The following FAT3 variants were observed in gnomAD, a reference collection of about 807,000 sequenced individuals.
The protein encoded by FAT3 is FAT atypical cadherin 3.
Under a neutral mutation model 310.2 loss-of-function variants are expected in FAT3, and 95 were observed. That is an observed-to-expected ratio of 0.31 (90% CI 0.26 to 0.36). The LOEUF (loss-of-function observed/expected upper bound fraction) is 0.36, where lower values mean the gene tolerates loss of function less well. Ranked by LOEUF, FAT3 falls within the 10% of genes least tolerant of loss-of-function variation. The probability of loss-of-function intolerance (pLI) is 1.00; values close to 1 mark genes in which losing one functional copy is unlikely to be tolerated. For synonymous variants in FAT3, 2,314 were observed against 2,192.9 expected (o/e 1.06, Z -1.54); for missense variants, 5,408 against 5,715.6 (o/e 0.95, Z 1.74).
intron 3 of FAT3, among the ~76,000 whole-genome samples, chr11:92,585,456 A>C (rs183226091): frequency 6.6e-6 from 1 of 152,074 alleles, no homozygotes; most frequent in East Asian, 1.9e-4. Context: ...TAGTTGTCTC[A>C]TCAGAGACAT....
chr11:92,792,959 A>AT lies in FAT3; in HGVS notation c.4805dup (p.Tyr1603IlefsTer13). On this transcript the variant is annotated frameshift_variant, in exon 9 of 28. Coordinates refer to ENST00000525166, the MANE Select transcript of FAT3 (RefSeq NM_001367949.2). LOFTEE classifies it high-confidence loss of function. Reference sequence around the variant, plus strand: ...AGACAAAGGAGAAAATGCAGAACTCATATATACCATAGAAGCAGGTGAGAG... The same window carrying AT: ...AGACAAAGGAGAAAATGCAGAACTCATTATATACCATAGAAGCAGGTGAGAG... 1 of 1,613,616 alleles carries AT rather than the reference A, an allele frequency of 6.2e-7. No homozygotes were observed. Among genetic ancestry groups the AT allele is most frequent in the Non-Finnish European group, 8.5e-7 (1 of 1,179,682 alleles).
chr11:92,869,205 TC>T (rs1949323757), intron 22 of FAT3, among the ~76,000 whole-genome samples: 1 of 152,220 alleles, frequency 6.6e-6, no homozygotes, highest in Non-Finnish European at 1.5e-5. Context: ...TCTACACAGT[TC>T]CCTTCTCACA....
At chr11:92,818,405 T>A (rs890518852) in intron 13 of FAT3, among the ~76,000 whole-genome samples, 1 of 152,212 alleles carries the variant, frequency 6.6e-6, no homozygotes, top group East Asian at 1.9e-4. Flanking sequence ...GTCTGTGGCA[T>A]CTGGAAGAAA....
intron 3 of FAT3, among the ~76,000 whole-genome samples, chr11:92,694,165 A>G (rs914886266): frequency 6.6e-6 from 1 of 152,174 alleles, no homozygotes; most frequent in African/African-American, 2.4e-5. Context: ...ATTTTAGAAC[A>G]TTTTCATCCC....
At chr11:92,624,642 T>C (rs983080740) in intron 3 of FAT3, among the ~76,000 whole-genome samples, 1 of 152,106 alleles carries the variant, frequency 6.6e-6, no homozygotes, top group Non-Finnish European at 1.5e-5. Context: ...AAATAGCAAT[T>C]AGATACAATC....
intron 2 of FAT3, among the ~76,000 whole-genome samples, chr11:92,409,261 CGTG>C: frequency 6.7e-6 from 1 of 150,004 alleles, no homozygotes; most frequent in African/African-American, 2.4e-5. Flanking sequence ...GTGTGTGTGT[CGTG>C]TGTGTGTGTG....
At chr11:92,303,287 G>A (rs1947044369) in intron 1 of FAT3, among the ~76,000 whole-genome samples, 1 of 152,046 alleles carries the variant, frequency 6.6e-6, no homozygotes, top group South Asian at 2.1e-4. Flanking sequence ...ATTGGCACTA[G>A]TTTTTAAATT....
At chr11:92,812,348 C>T (rs180779703) in intron 13 of FAT3, among the ~76,000 whole-genome samples, 3 of 152,048 alleles carry the variant, frequency 2.0e-5, no homozygotes, top group Middle Eastern at 3.4e-3. Flanking sequence ...AAAGAGAGGC[C>T]GAAGTGGGCG....
intron 3 of FAT3, among the ~76,000 whole-genome samples, chr11:92,546,266 C>A (rs767623033): frequency 6.6e-6 from 1 of 152,072 alleles, no homozygotes; most frequent in Non-Finnish European, 1.5e-5. Context: ...TTTAAGGGAA[C>A]GTAAAGGATT....
intron 6 of FAT3, among the ~76,000 whole-genome samples, chr11:92,768,269 C>G (rs911354534): frequency 1.4e-4 from 22 of 152,186 alleles, no homozygotes; most frequent in Non-Finnish European, 1.5e-5. Flanking sequence ...AACATCTAGC[C>G]AAGCTTCTTT....
intron 3 of FAT3, among the ~76,000 whole-genome samples, chr11:92,526,435 C>A (rs1460584665): frequency 6.6e-6 from 1 of 152,156 alleles, no homozygotes; most frequent in East Asian, 1.9e-4. Context: ...ATACCCCAGT[C>A]AGATTCTGCT....
Position 92,514,176 on chromosome 11 carries a change from A to G in FAT3, c.3293-10458A>G, listed in dbSNP as rs141691342. Among the ~76,000 whole-genome samples, 681 of 152,316 alleles carry G rather than the reference A, an allele frequency of 4.5e-3. 18 individuals carry two copies. Among genetic ancestry groups the G allele is most frequent in the Admixed American group, 0.031 (477 of 15,282 alleles). On this transcript the variant is annotated intron_variant, in intron 2 of 27. Coordinates refer to ENST00000525166, the MANE Select transcript of FAT3 (RefSeq NM_001367949.2). ...TGCTGGAATTAAATAATTAAAGTTCAGTCTGTGCACAGTTCTGCCAAAACA... is the reference window on the plus strand; with the variant it reads ...TGCTGGAATTAAATAATTAAAGTTCGGTCTGTGCACAGTTCTGCCAAAACA...
chr11:92,666,612 G>A (rs954472101), intron 3 of FAT3, among the ~76,000 whole-genome samples: 14 of 151,026 alleles, frequency 9.3e-5, no homozygotes, highest in South Asian at 4.2e-4. Flanking sequence ...CGCCTGCCTC[G>A]GCCTCCCAAA....
chr11:92,780,388 C>T (rs1486747744), intron 7 of FAT3, among the ~76,000 whole-genome samples: 2 of 152,076 alleles, frequency 1.3e-5, no homozygotes, highest in African/African-American at 4.8e-5. Flanking sequence ...GTCTTGAACT[C>T]TTGGGCTTTA....
chr11:92,866,797 G>T lies in FAT3; in HGVS notation c.11715G>T (p.Leu3905Phe), dbSNP rs1469578999. Reference protein sequence around the residue: ...QLDCGSGPGILGISGRAVNDG... With the variant: ...QLDCGSGPGIFGISGRAVNDG... ...ACTGCGGCAGCGGCCCTGGAATCTTGGGCATCTCGGGCCGTGCTGTCAACG... is the reference window on the plus strand; with the variant it reads ...ACTGCGGCAGCGGCCCTGGAATCTTTGGCATCTCGGGCCGTGCTGTCAACG... Residue 3905 changes from leucine to phenylalanine, a missense_variant, in exon 22 of 28, where the codon TTG becomes TTT. Leu to Phe is a conservative substitution (Grantham distance 22, BLOSUM62 0). Transcript: ENST00000525166. 6.2e-7 allele frequency: 1 copy of T among 1,613,848 alleles called. No homozygotes were observed. The highest frequency in any genetic ancestry group is 1.3e-5 in the African/African-American group (1 of 75,054).
intron 1 of FAT3, among the ~76,000 whole-genome samples, chr11:92,350,435 G>T (rs1948534106): frequency 6.6e-6 from 1 of 151,782 alleles, no homozygotes; most frequent in Non-Finnish European, 1.5e-5. Context: ...ATATGCTGGG[G>T]GCAGGGATGG....
intron 1 of FAT3, among the ~76,000 whole-genome samples, chr11:92,231,744 T>C (rs1005833526): frequency 6.6e-6 from 1 of 152,118 alleles, no homozygotes; most frequent in Non-Finnish European, 1.5e-5. Context: ...TCTAAGAGTA[T>C]GCCAGATGAC....
At chr11:92,780,446 C>T (rs568841358) in intron 7 of FAT3, among the ~76,000 whole-genome samples, 6 of 152,122 alleles carry the variant, frequency 3.9e-5, no homozygotes, top group East Asian at 1.9e-4. Context: ...TATAGATAGG[C>T]GTGAGGCACT....
chr11:92,844,650 C>T lies in FAT3; in HGVS notation c.11283C>T (p.Ser3761=). ...GTGAGCAAGGCTTGTCACTCGATTC[C>T]CACGCGCTCATGACCTACAGCACGG... ...QHCEQGLSLD[S]HALMTYSTAR... The change falls in exon 19 of 28, where the codon TCC becomes TCT. Residue 3761 remains serine (S), a synonymous_variant. Coordinates refer to ENST00000525166, the MANE Select transcript of FAT3 (RefSeq NM_001367949.2). 1.9e-6 allele frequency: 3 copies of T among 1,609,544 alleles called. No individual in the cohort carries two copies. The highest frequency in any genetic ancestry group is 1.7e-4 in the Middle Eastern group (1 of 6,058).
Sources: gnomAD v4.1 joint callset for allele counts (sites outside exome capture counted in the v4.1 genomes callset) on GRCh38, gnomAD v4.1.1 for gene constraint, MANE v1.5 for transcripts, NCBI Gene and HGNC (gene_info 2026-07-23, HGNC 2026-07-21) for gene names.